The following KLRC2 variants were observed in gnomAD, a reference collection of about 807,000 sequenced individuals.
KLRC2 encodes the protein killer cell lectin like receptor C2.
Under a neutral mutation model 25.5 loss-of-function variants are expected in KLRC2, and 10 were observed. That is an observed-to-expected ratio of 0.39 (90% CI 0.24 to 0.67). KLRC2 has a LOEUF of 0.67. Among genes scored for constraint, KLRC2 ranks in the 30% least tolerant of loss-of-function variants. KLRC2 has a pLI of 0.45. For missense variants in KLRC2, 170 were observed against 272.8 expected (o/e 0.62, Z 2.65); for synonymous variants, 48 against 93.3 (o/e 0.51, Z 2.80).
intron 1 of KLRC2, 80 bp downstream of exon 1, chr12:10,435,720 T>C: frequency 7.1e-7 from 1 of 1,405,486 alleles, no homozygotes; most frequent in Admixed American, 1.9e-5. Context: ...GTGCAAAATA[T>C]TCCCTAATCT....
Position 10,433,881 on chromosome 12 carries a change from A to C in KLRC2, c.393T>G (p.Ile131Met), listed in dbSNP as rs1399293477. The C allele has an allele frequency of 8.4e-6, 13 of 1,550,638 alleles. 2 individuals are homozygous for C. The highest frequency in any genetic ancestry group is 1.1e-5 in the Non-Finnish European group (13 of 1,136,298). The change falls in exon 4 of 6, where the codon ATT becomes ATG. Residue 131 changes from isoleucine (I) to methionine (M), a missense_variant. Ile to Met is a conservative substitution (Grantham distance 10, BLOSUM62 1). This residue lies in a region of KLRC2 where 129 missense variants were observed against 150.2 expected (regional missense o/e 0.86). Coordinates refer to ENST00000381902, the MANE Select transcript of KLRC2 (RefSeq NM_002260.4). ...WITYSNSCYY[I>M]GKERRTWEES... ...CTTCCCAAGTTCTTCTTTCCTTACC[A>C]ATGTAATAACAACTGTTGGAATATG...
At position 10,433,891 on chromosome 12, in the gene KLRC2, C is replaced by A; in HGVS notation, c.383G>T (p.Cys128Phe). The A allele has an allele frequency of 6.4e-7, 1 of 1,550,574 alleles. No individual in the cohort carries two copies. The highest frequency in any genetic ancestry group is 1.1e-5 in the South Asian group (1 of 89,008). The stretch of plus-strand genomic sequence containing the variant: ...TCTTCTTTCCTTACCAATGTAATAA[C>A]AACTGTTGGAATATGTAATCCACTC... ...PEEWITYSNS[C>F]YYIGKERRTW... The change falls in exon 4 of 6, where the codon TGT (cysteine) becomes TTT (phenylalanine). Residue 128 changes from cysteine to phenylalanine, a missense_variant. Transcript: ENST00000381902.
Position 10,433,838 on chromosome 12 carries a change from T to A in KLRC2, c.436A>T (p.Thr146Ser). Reference protein sequence around the residue: ...RTWEESLLACTSKNSSLLSID... With the variant: ...RTWEESLLACSSKNSSLLSID... ...GAAAGCAGACTGGAGTTCTTCGAAG[T>A]ACAGGCCAGCAAACTCTCTTCCCAA... The change falls in exon 4 of 6, where the codon ACT (threonine) becomes TCT (serine). Residue 146 changes from threonine (T) to serine (S), a missense_variant. By Grantham distance (58) the Thr-to-Ser change is moderately conservative. Transcript: ENST00000381902. 6.4e-6 allele frequency: 10 copies of A among 1,550,458 alleles called. 1 individual carries two copies. The highest frequency in any genetic ancestry group is 8.8e-6 in the Non-Finnish European group (10 of 1,136,186).
chr12:10,431,140 A>G lies in KLRC2; in HGVS notation c.673T>C (p.Tyr225His), dbSNP rs1863806973. The G allele has an allele frequency of 6.5e-7, 1 of 1,539,192 alleles. No individual in the cohort carries two copies. The highest frequency in any genetic ancestry group is 8.9e-7 in the Non-Finnish European group (1 of 1,126,490). ...KSAQCGSSMI[Y>H]HCKHKL ...TTCTAAAGCTTATGCTTACAATGAT[A>G]TATCATTGAAGATCCACACTGGGCT... The change falls in exon 6 of 6, where the codon TAT becomes CAT. Residue 225 changes from tyrosine to histidine, a missense_variant. Coordinates refer to ENST00000381902, the MANE Select transcript of KLRC2 (RefSeq NM_002260.4).
Position 10,431,240 on chromosome 12 carries a change from A to T in KLRC2, c.585-12T>A. ...CTGAGTCTTTTATCCTGTAATGGAG[A>T]AAAATCCATTTTCTGTTACATTTTA... is the stretch of plus-strand genomic sequence containing the variant. On this transcript the variant is annotated splice_polypyrimidine_tract_variant and intron_variant, in intron 5 of 5. Transcript: ENST00000381902. 6.5e-7 allele frequency: 1 copy of T among 1,527,828 alleles called. No individual in the cohort carries two copies. The highest frequency in any genetic ancestry group is 9.0e-7 in the Non-Finnish European group (1 of 1,116,548). The allele number at this position is 1,527,828 out of a possible 1,614,324, so 94.6% of individuals were successfully genotyped here. A position where few individuals can be genotyped will look rare whatever the true frequency, so the allele number is the denominator to read the frequency against.
In KLRC2 at chr12:10,435,841, G is replaced by A. The variant is rs1863864206; in HGVS notation, c.146C>T (p.Ser49Phe). The A allele has an allele frequency of 6.5e-7, 1 of 1,549,912 alleles. No individual in the cohort carries two copies. Among genetic ancestry groups the A allele is most frequent in the South Asian group, 1.1e-5 (1 of 89,008 alleles). ...TTTATCAATCCCTTGATGATTCAGGGAAGGATTTTGAAGATTTAATTCTAC... is the reference window on the plus strand; with the variant it reads ...TTTATCAATCCCTTGATGATTCAGGAAAGGATTTTGAAGATTTAATTCTAC... ...FQVELNLQNP[S>F]LNHQGIDKIY... Residue 49 changes from serine (S) to phenylalanine (F), a missense_variant, in exon 1 of 6, where the codon TCC becomes TTC. Physicochemically the swap from Ser to Phe is radical, Grantham distance 155. Transcript: ENST00000381902.
chr12:10,435,599 A>G (rs1025854773), intron 1 of KLRC2, among the ~76,000 whole-genome samples, 189 bp from the exon 2 acceptor site: 4 of 142,568 alleles, frequency 2.8e-5, no homozygotes, highest in Non-Finnish European at 6.2e-5. Context: ...CAGTAAATAT[A>G]ATGTTCCATG....
intron 5 of KLRC2, 43 bp downstream of exon 5, chr12:10,432,063 C>T (rs771355025): frequency 1.5e-6 from 2 of 1,321,242 alleles, no homozygotes; most frequent in Middle Eastern, 2.0e-4. Flanking sequence ...TGAATTTATC[C>T]TTTATATATA....
Position 10,431,088 on chromosome 12 carries a change from G to T in KLRC2, c.*29C>A. The T allele has an allele frequency of 7.4e-7, 1 of 1,353,318 alleles. No individual in the cohort carries two copies. Among genetic ancestry groups the T allele is most frequent in the East Asian group, 2.5e-5 (1 of 40,368 alleles). 83.8% of individuals were successfully genotyped at this position (1,353,318 alleles called of 1,614,324 possible). On this transcript the variant is annotated 3_prime_UTR_variant, in exon 6 of 6. Coordinates refer to ENST00000381902, the MANE Select transcript of KLRC2 (RefSeq NM_002260.4). Reference sequence around the variant, plus strand: ...ATTTTAAGAAATATAAAATGTATCTGATGCACTGCAAACGCAAATGCTTTA... The same window carrying T: ...ATTTTAAGAAATATAAAATGTATCTTATGCACTGCAAACGCAAATGCTTTA...
intron 5 of KLRC2, among the ~76,000 whole-genome samples, 193 bp downstream of exon 5, chr12:10,431,913 G>A (rs1485816465): frequency 7.1e-6 from 1 of 140,626 alleles, no homozygotes; most frequent in Admixed American, 7.0e-5. Context: ...TAACCAAGAA[G>A]GTTACTAGCA....
At chr12:10,434,280 G>C (rs1242908760) in intron 3 of KLRC2, 1 of 580,084 alleles carries the variant, frequency 1.7e-6, no homozygotes, top group Non-Finnish European at 3.2e-6. Flanking sequence ...TCTGTTAATT[G>C]GGAGAAAGAG....
Position 10,433,925 on chromosome 12 carries a change from A to G in KLRC2, c.349T>C (p.Cys117Arg). The G allele has an allele frequency of 6.5e-7, 1 of 1,547,888 alleles. No homozygotes were observed. Among genetic ancestry groups the G allele is most frequent in the Non-Finnish European group, 8.8e-7 (1 of 1,135,162 alleles). The change falls in exon 4 of 6, where the codon TGT becomes CGT. Residue 117 changes from cysteine (C) to arginine (R), a missense_variant. By Grantham distance (180) the Cys-to-Arg change is radical. Coordinates refer to ENST00000381902, the MANE Select transcript of KLRC2 (RefSeq NM_002260.4). ...GAATATGTAATCCACTCCTCAGGAC[A>G]ATGGCCACAATGACGTGCTAATAAA... Reference protein sequence around the residue: ...RTQKARHCGHCPEEWITYSNS... With the variant: ...RTQKARHCGHRPEEWITYSNS...
rs746485396 is a variant in KLRC2 at position 10,433,908 on chromosome 12, A to G, written c.366T>C (p.Ile122=). Residue 122 remains isoleucine, a synonymous_variant, in exon 4 of 6, where the codon ATT becomes ATC. Transcript: ENST00000381902. ...RHCGHCPEEW[I]TYSNSCYYIG... ...TGTAATAACAACTGTTGGAATATGT[A>G]ATCCACTCCTCAGGACAATGGCCAC... is the stretch of plus-strand genomic sequence containing the variant. 2.6e-6 allele frequency: 4 copies of G among 1,550,802 alleles called. No homozygotes were observed. Among genetic ancestry groups the G allele is most frequent in the Non-Finnish European group, 8.8e-7 (1 of 1,136,264 alleles).
intron 5 of KLRC2, 135 bp downstream of exon 5, chr12:10,431,971 A>C (rs985993199): frequency 1.2e-6 from 1 of 832,832 alleles, no homozygotes; most frequent in Non-Finnish European, 1.8e-6. Context: ...CTATTGTAAA[A>C]TATTTATATC....
At chr12:10,431,724 A>G (rs1180924148) in intron 5 of KLRC2, among the ~76,000 whole-genome samples, 2 of 141,300 alleles carry the variant, frequency 1.4e-5, no homozygotes, top group African/African-American at 5.4e-5. Flanking sequence ...GACCCAGGAC[A>G]GCTTTGAATG....
At chr12:10,434,087 G>A (rs1209596978) in intron 3 of KLRC2, 145 bp from the exon 4 acceptor site, 2 of 1,258,090 alleles carry the variant, frequency 1.6e-6, no homozygotes, top group African/African-American at 1.7e-5. Context: ...TTTAATAACT[G>A]AGTCAGTCAT....
Position 10,430,780 on chromosome 12 carries a change from C to G in KLRC2, c.*337G>C. On this transcript the variant is annotated 3_prime_UTR_variant, in exon 6 of 6. Coordinates refer to ENST00000381902, the MANE Select transcript of KLRC2 (RefSeq NM_002260.4). ...ACGTTCTATCAATTAGTGGTCATCTCCTATTTCAACCTCCCTGAGACATTG... is the reference window on the plus strand; with the variant it reads ...ACGTTCTATCAATTAGTGGTCATCTGCTATTTCAACCTCCCTGAGACATTG... The G allele has an allele frequency of 4.6e-6, 1 of 217,880 alleles. No homozygotes were observed. Among genetic ancestry groups the G allele is most frequent in the East Asian group, 1.5e-4 (1 of 6,546 alleles). 13.5% of individuals were successfully genotyped at this position (217,880 alleles called of 1,614,324 possible). A position where few individuals can be genotyped will look rare whatever the true frequency, so the allele number is the denominator to read the frequency against.
Sources: gnomAD v4.1 joint callset for allele counts (sites outside exome capture counted in the v4.1 genomes callset) on GRCh38, gnomAD v4.1.1 for gene constraint, gnomAD v4.1.1 regional missense constraint, MANE v1.5 for transcripts, NCBI Gene and HGNC (gene_info 2026-07-23, HGNC 2026-07-21) for gene names.